The following MAP4K2 variants were observed in gnomAD, a reference collection of about 807,000 sequenced individuals.
The protein encoded by MAP4K2 is B lymphocyte serine/threonine protein kinase.
Under a neutral mutation model 125.3 loss-of-function variants are expected in MAP4K2, and 85 were observed. The observed-to-expected ratio is 0.68, with a 90% confidence interval of 0.57 to 0.81. The LOEUF is 0.81. Ranked by LOEUF, MAP4K2 falls within the 40% of genes least tolerant of loss-of-function variation. The pLI is 0.00. For synonymous variants in MAP4K2, 479 were observed against 445.1 expected (o/e 1.08, Z -0.96); for missense variants, 923 against 1,056.4 (o/e 0.87, Z 1.75).
At chr11:64,801,494 C>T in intron 7 of MAP4K2, 85 bp downstream of exon 7, 1 of 1,483,154 alleles carries the variant, frequency 6.7e-7, no homozygotes, top group Non-Finnish European at 9.3e-7. Context: ...AAGTGACTTG[C>T]CCAGTGACAC....
In MAP4K2 at chr11:64,800,930, T is replaced by C; in HGVS notation, c.632A>G (p.Gln211Arg). Residue 211 changes from glutamine to arginine, a missense_variant, in exon 9 of 32, where the codon CAG becomes CGG. By Grantham distance (43) the Gln-to-Arg change is conservative (BLOSUM62 1). This residue lies in a region of MAP4K2 where 833 missense variants were observed against 911.4 expected (regional missense o/e 0.91). Transcript: ENST00000294066. ...GGGGTGCAGGTGGAACAGAGGGGGC[T>C]GCAGCTCGCCCAGCTCAATGGCAGT... is the stretch of plus-strand genomic sequence containing the variant. ...GITAIELGEL[Q>R]PPLFHLHPMR... 10 of 1,614,004 alleles carry C rather than the reference T, an allele frequency of 6.2e-6. No homozygotes were observed. Among genetic ancestry groups the C allele is most frequent in the Non-Finnish European group, 8.5e-6 (10 of 1,179,992 alleles).
Position 64,797,382 on chromosome 11 carries a change from T to A in MAP4K2, c.1171-2A>T. 6.3e-7 allele frequency: 1 copy of A among 1,579,014 alleles called. No individual in the cohort carries two copies. On this transcript the variant is annotated splice_acceptor_variant, in intron 17 of 31. Coordinates refer to ENST00000294066, the MANE Select transcript of MAP4K2 (RefSeq NM_004579.5). LOFTEE classifies it high-confidence loss of function. ...GGTATCGTCTGGGGAGTCCAGCTCCTGGTAGGAGGGGCAGGGCCCAGCCCG... is the reference window on the plus strand; with the variant it reads ...GGTATCGTCTGGGGAGTCCAGCTCCAGGTAGGAGGGGCAGGGCCCAGCCCG...
chr11:64,791,221 C>T (rs949838594), intron 27 of MAP4K2, among the ~76,000 whole-genome samples: 3 of 152,108 alleles, frequency 2.0e-5, no homozygotes, highest in Non-Finnish European at 2.9e-5. Flanking sequence ...TAACTACGTG[C>T]GCCCTCCTTT....
chr11:64,801,292 C>T, intron 7 of MAP4K2, 109 bp from the exon 8 acceptor site: 1 of 1,367,470 alleles, frequency 7.3e-7, no homozygotes, highest in South Asian at 1.2e-5. Context: ...GGCAGGTGGC[C>T]CCGCTTGGTC....
chr11:64,795,586 T>G (rs1289405460), intron 24 of MAP4K2, among the ~76,000 whole-genome samples: 1 of 152,106 alleles, frequency 6.6e-6, no homozygotes, highest in Non-Finnish European at 1.5e-5. Flanking sequence ...GTATTTTTAG[T>G]ACAGACGGGG....
chr11:64,794,035 C>T (rs1940647874), intron 24 of MAP4K2, among the ~76,000 whole-genome samples: 2 of 152,210 alleles, frequency 1.3e-5, no homozygotes, highest in African/African-American at 2.4e-5. Flanking sequence ...ACCCTCTGCA[C>T]TCAGTCCACT....
At position 64,789,339 on chromosome 11, in the gene MAP4K2, T is replaced by G. The variant is rs1940333856; in HGVS notation, c.*198A>C. 4 of 586,658 alleles carry G rather than the reference T, an allele frequency of 6.8e-6. No homozygotes were observed. Among genetic ancestry groups the G allele is most frequent in the Admixed American group, 6.0e-5 (2 of 33,146 alleles). 36.3% of individuals were successfully genotyped at this position (586,658 alleles called of 1,614,324 possible). A position where few individuals can be genotyped will look rare whatever the true frequency, so the allele number is the denominator to read the frequency against. On this transcript the variant is annotated 3_prime_UTR_variant, in exon 32 of 32. Coordinates refer to ENST00000294066, the MANE Select transcript of MAP4K2 (RefSeq NM_004579.5). ...ATGGGGGAGTGACAGCAGCTCCCCC[T>G]GGTCCAGTTATTGCAGAGGCGTCGG...
Position 64,802,121 on chromosome 11 carries a change from G to C in MAP4K2, c.311C>G (p.Ala104Gly). Reference sequence around the variant, plus strand: ...CTGCCGCTCCTCCAGGGGCCCAGTGGCTGAAAGGAAAAGGGAGAGGCTGGC... The same window carrying C: ...CTGCCGCTCCTCCAGGGGCCCAGTGCCTGAAAGGAAAAGGGAGAGGCTGGC... ...GGGSLQEIYH[A>G]TGPLEERQIA... The change falls in exon 5 of 32, where the codon GCC becomes GGC. Residue 104 changes from alanine (A) to glycine (G), a missense_variant and splice_region_variant. Transcript: ENST00000294066. 6.2e-7 allele frequency: 1 copy of C among 1,612,978 alleles called. No individual in the cohort carries two copies. The highest frequency in any genetic ancestry group is 8.5e-7 in the Non-Finnish European group (1 of 1,179,880).
chr11:64,792,824 G>A (rs180685146), intron 24 of MAP4K2, among the ~76,000 whole-genome samples: 258 of 152,290 alleles, frequency 1.7e-3, no homozygotes, highest in African/African-American at 5.7e-3. Context: ...GCTGGGAATC[G>A]TGTGTGCTCA....
At position 64,787,252 on chromosome 11, in the gene MAP4K2, A is replaced by T. The variant is rs1940231854; in HGVS notation, c.*2285T>A. ...CACCATGTTGGCCAGGCTGGTCTCGAACCCCTGACCTCGTGATTCGCCCGC... is the reference window on the plus strand; with the variant it reads ...CACCATGTTGGCCAGGCTGGTCTCGTACCCCTGACCTCGTGATTCGCCCGC... On this transcript the variant is annotated 3_prime_UTR_variant, in exon 32 of 32. Transcript: ENST00000294066. The T allele has an allele frequency of 6.6e-6, 1 of 152,066 alleles. No individual in the cohort carries two copies. Among genetic ancestry groups the T allele is most frequent in the Non-Finnish European group, 1.5e-5 (1 of 68,034 alleles). The allele number at this position is 152,066 out of a possible 1,614,324, so 9.4% of individuals were successfully genotyped here.
Position 64,797,233 on chromosome 11 carries a change from C to G in MAP4K2, c.1277-41G>C, listed in dbSNP as rs369393608. On this transcript the variant is annotated intron_variant, in intron 18 of 31. Coordinates refer to ENST00000294066, the MANE Select transcript of MAP4K2 (RefSeq NM_004579.5). ...TGCTGTAATTTCCTGCTGTAGCCCCCACCCTGGGGCTGCCTCCTGGCCTCC... is the reference window on the plus strand; with the variant it reads ...TGCTGTAATTTCCTGCTGTAGCCCCGACCCTGGGGCTGCCTCCTGGCCTCC... 181 of 1,604,802 alleles carry G rather than the reference C, an allele frequency of 1.1e-4. 1 individual carries two copies. The African/African-American group carries it at 2.1e-3, about 19-fold the overall frequency.
At chr11:64,790,652 G>A (rs988799602) in intron 27 of MAP4K2, among the ~76,000 whole-genome samples, 190 bp from the exon 28 acceptor site, 5 of 152,174 alleles carry the variant, frequency 3.3e-5, no homozygotes, top group African/African-American at 7.2e-5. Context: ...TGAGTGACCC[G>A]TCCTAGGGCT....
At chr11:64,801,854 C>T (rs900834692) in intron 5 of MAP4K2, 97 bp from the exon 6 acceptor site, 1 of 1,305,510 alleles carries the variant, frequency 7.7e-7, no homozygotes, top group Non-Finnish European at 1.1e-6. Flanking sequence ...CAGGCTGCTT[C>T]TTCCTCCCCT....
chr11:64,800,986 A>T lies in MAP4K2; in HGVS notation c.576T>A (p.Asn192Lys). The part of the protein sequence containing the change: ...VAAVERKGGY[N>K]ELCDVWALGI... ...CCAGGGCCCAGACGTCACATAGCTC[A>T]TTGTAGCCACCTTTGCGCTCCACAG... The change falls in exon 9 of 32, where the codon AAT becomes AAA. Residue 192 changes from asparagine (N) to lysine (K), a missense_variant. By Grantham distance (94) the Asn-to-Lys change is moderately conservative. This residue lies in a region of MAP4K2 where 833 missense variants were observed against 911.4 expected (regional missense o/e 0.91). Coordinates refer to ENST00000294066, the MANE Select transcript of MAP4K2 (RefSeq NM_004579.5). The T allele has an allele frequency of 6.2e-7, 1 of 1,613,846 alleles. No homozygotes were observed. Among genetic ancestry groups the T allele is most frequent in the Non-Finnish European group, 8.5e-7 (1 of 1,179,904 alleles).
At chr11:64,794,623 T>C (rs1311641332) in intron 24 of MAP4K2, among the ~76,000 whole-genome samples, 1 of 152,154 alleles carries the variant, frequency 6.6e-6, no homozygotes, top group Non-Finnish European at 1.5e-5. Context: ...CCTCCCAAAG[T>C]GCGGGATTAC....
intron 24 of MAP4K2, among the ~76,000 whole-genome samples, chr11:64,794,087 C>T (rs923743049): frequency 6.6e-6 from 1 of 152,188 alleles, no homozygotes; most frequent in African/African-American, 2.4e-5. Flanking sequence ...TGTCGGGGGC[C>T]CATAGCCCAG....
chr11:64,790,411 A>G lies in MAP4K2; in HGVS notation c.2144T>C (p.Ile715Thr), dbSNP rs777555573. The change falls in exon 28 of 32, where the codon ATC (isoleucine) becomes ACC (threonine). Residue 715 changes from isoleucine to threonine, a missense_variant. Coordinates refer to ENST00000294066, the MANE Select transcript of MAP4K2 (RefSeq NM_004579.5). The part of the protein sequence containing the change: ...QQVIQVDRDT[I>T]LVSFERCVRI... ...GCACTCACGTTCAAAGCTGACTAGGATTGTGTCCCTGTCCACCTGGATCAC... is the reference window on the plus strand; with the variant it reads ...GCACTCACGTTCAAAGCTGACTAGGGTTGTGTCCCTGTCCACCTGGATCAC... The G allele has an allele frequency of 1.4e-5, 23 of 1,613,924 alleles. No individual in the cohort carries two copies. The highest frequency in any genetic ancestry group is 3.4e-6 in the Non-Finnish European group (4 of 1,180,006).
chr11:64,802,308 G>A (rs1218102439), intron 4 of MAP4K2, 111 bp downstream of exon 4: 1 of 1,209,978 alleles, frequency 8.3e-7, no homozygotes, highest in Non-Finnish European at 1.2e-6. Flanking sequence ...ACACAGCCAG[G>A]CAGGAGTGGA....
rs1219949482 is a variant in MAP4K2, at chr11:64,801,574, C to G, written c.457+5G>C. On this transcript the variant is annotated splice_donor_5th_base_variant and intron_variant, in intron 7 of 31. Coordinates refer to ENST00000294066, the MANE Select transcript of MAP4K2 (RefSeq NM_004579.5). Reference sequence around the variant, plus strand: ...TCACCCTGATGGTGTCCCCAGGGTACTGACCCAGTTTGACATCTCCCTGGA... The same window carrying G: ...TCACCCTGATGGTGTCCCCAGGGTAGTGACCCAGTTTGACATCTCCCTGGA... 5.6e-6 allele frequency: 9 copies of G among 1,613,974 alleles called. No homozygotes were observed. The highest frequency in any genetic ancestry group is 7.6e-6 in the Non-Finnish European group (9 of 1,179,938).
Sources: gnomAD v4.1 joint callset for allele counts (sites outside exome capture counted in the v4.1 genomes callset) on GRCh38, gnomAD v4.1.1 for gene constraint, gnomAD v4.1.1 regional missense constraint, MANE v1.5 for transcripts, NCBI Gene and HGNC (gene_info 2026-07-23, HGNC 2026-07-21) for gene names.